The following CMIP variants were observed in gnomAD, a reference collection of about 807,000 sequenced individuals.
CMIP encodes c-Maf inducing protein.
A neutral mutation model predicts 97.3 loss-of-function variants in CMIP; 13 were observed. The ratio of observed to expected loss-of-function variants is 0.13; its 90% CI spans 0.09 to 0.21. The LOEUF is 0.21. Among genes scored for constraint, CMIP ranks in the 10% least tolerant of loss-of-function variants. The pLI, the probability that CMIP is intolerant of heterozygous loss-of-function variation, is 1.00. For synonymous variants in CMIP, 538 were observed against 436.3 expected (o/e 1.23, Z -2.91); for missense variants, 847 against 1,024.9 (o/e 0.83, Z 2.37).
At chr16:81,492,533 G>A (rs1016528197) in intron 1 of CMIP, among the ~76,000 whole-genome samples, 2 of 152,156 alleles carry the variant, frequency 1.3e-5, no homozygotes, top group African/African-American at 4.8e-5. Flanking sequence ...CAGTGGCATC[G>A]CGGTGGCCGG....
chr16:81,611,646 A>G (rs892245823), intron 2 of CMIP, among the ~76,000 whole-genome samples: 6 of 151,372 alleles, frequency 4.0e-5, no homozygotes, highest in African/African-American at 1.5e-4. Flanking sequence ...CTTCTCTTGC[A>G]GGTCCTTCCT....
rs562434205 is a variant in CMIP at position 81,652,349 on chromosome 16, G to C, written c.624G>C (p.Ser208=). The part of the protein sequence containing the change: ...SINQAPLEIV[S]KLLSENTNLT... ...ACCAGGCCCCACTGGAAATCGTCTCGAAACTGCTCTCAGAGGTAAAACCCC... is the reference window on the plus strand; with the variant it reads ...ACCAGGCCCCACTGGAAATCGTCTCCAAACTGCTCTCAGAGGTAAAACCCC... Residue 208 remains serine (S), a synonymous_variant, in exon 4 of 21, where the codon TCG becomes TCC. Coordinates refer to ENST00000537098, the MANE Select transcript of CMIP (RefSeq NM_198390.3). The surrounding 1 kb of genome is among the most constrained non-coding windows in gnomAD (Gnocchi z 5.2). The C allele has an allele frequency of 6.2e-7, 1 of 1,613,336 alleles. No homozygotes were observed. Among genetic ancestry groups the C allele is most frequent in the Non-Finnish European group, 8.5e-7 (1 of 1,179,738 alleles).
chr16:81,683,850 C>T (rs1417132893), intron 10 of CMIP, among the ~76,000 whole-genome samples: 1 of 149,158 alleles, frequency 6.7e-6, no homozygotes, highest in African/African-American at 2.5e-5. Flanking sequence ...CAACCTCTGC[C>T]TCGCGGGTTC....
chr16:81,595,998 G>A (rs2091549190), intron 1 of CMIP, among the ~76,000 whole-genome samples: 1 of 152,148 alleles, frequency 6.6e-6, no homozygotes, highest in Non-Finnish European at 1.5e-5. Context: ...CACTAGTGGT[G>A]TAAGCAGGTT....
At chr16:81,666,087 G>T (rs940202971) in intron 7 of CMIP, 1 of 152,244 alleles carries the variant, frequency 6.6e-6, no homozygotes, top group African/African-American at 2.4e-5. Context: ...ACTGGGGGAT[G>T]GGGCGGGGTT....
At chr16:81,637,129 G>A (rs1192620022) in intron 3 of CMIP, among the ~76,000 whole-genome samples, 4 of 152,096 alleles carry the variant, frequency 2.6e-5, no homozygotes, top group Non-Finnish European at 4.4e-5. Context: ...GGAGTGCAGT[G>A]GCACAATCTT....
intron 3 of CMIP, among the ~76,000 whole-genome samples, chr16:81,637,115 T>C (rs1328052359): frequency 6.6e-6 from 1 of 152,120 alleles, no homozygotes; most frequent in East Asian, 1.9e-4. Context: ...TTGTTGCCCA[T>C]GCTGGAGTGC....
chr16:81,447,672 G>A (rs1031455801), intron 1 of CMIP, among the ~76,000 whole-genome samples: 5 of 152,220 alleles, frequency 3.3e-5, no homozygotes, highest in African/African-American at 1.2e-4. Flanking sequence ...GGAACTATAA[G>A]GAAGTGTTTG....
At position 81,702,664 on chromosome 16, in the gene CMIP, T is replaced by G; in HGVS notation, c.1939T>G (p.Ser647Ala). 6 of 1,613,416 alleles carry G rather than the reference T, an allele frequency of 3.7e-6. No homozygotes were observed. The highest frequency in any genetic ancestry group is 5.1e-6 in the Non-Finnish European group (6 of 1,179,606). Reference sequence around the variant, plus strand: ...CACCAGGCTAACACTGCCCTCCAAGTCCACAGTGAGTTGGTTTGGTTCTCT... The same window carrying G: ...CACCAGGCTAACACTGCCCTCCAAGGCCACAGTGAGTTGGTTTGGTTCTCT... ...GPTRLTLPSK[S>A]TDADLARLLS... is the part of the protein sequence containing the mutation. The change falls in exon 17 of 21, where the codon TCC becomes GCC. Residue 647 changes from serine (S) to alanine (A), a missense_variant. By Grantham distance (99) the Ser-to-Ala change is moderately conservative (BLOSUM62 1). Coordinates refer to ENST00000537098, the MANE Select transcript of CMIP (RefSeq NM_198390.3).
chr16:81,599,850 A>C (rs897582054), intron 1 of CMIP, among the ~76,000 whole-genome samples: 1 of 152,118 alleles, frequency 6.6e-6, no homozygotes, highest in African/African-American at 2.4e-5. Flanking sequence ...GATTATATAT[A>C]AAGCTCTTAG....
At chr16:81,626,329 G>A (rs1300677033) in intron 3 of CMIP, among the ~76,000 whole-genome samples, 1 of 151,764 alleles carries the variant, frequency 6.6e-6, no homozygotes, top group Admixed American at 6.6e-5. Context: ...GAGGTGACTG[G>A]TGTGTCTGTG....
At chr16:81,587,868 G>A (rs571466604) in intron 1 of CMIP, among the ~76,000 whole-genome samples, 5 of 152,332 alleles carry the variant, frequency 3.3e-5, no homozygotes, top group Admixed American at 6.5e-5. Context: ...GGCCAGGTCC[G>A]TGTGTGGACA....
rs1023810285 is a variant in CMIP, at chr16:81,652,332, C to G, written c.607C>G (p.Pro203Ala). 51 of 1,613,740 alleles carry G rather than the reference C, an allele frequency of 3.2e-5. 1 individual carries two copies. The highest frequency in any genetic ancestry group is 4.3e-5 in the Non-Finnish European group (51 of 1,179,852). The change falls in exon 4 of 21, where the codon CCA becomes GCA. Residue 203 changes from proline (P) to alanine (A), a missense_variant. Transcript: ENST00000537098. This position sits in a 1 kb window ranked among gnomAD's most constrained non-coding sequence, Gnocchi z 5.2. The stretch of plus-strand genomic sequence containing the variant: ...GCAGGATGACTCCATCAACCAGGCC[C>G]CACTGGAAATCGTCTCGAAACTGCT... ...PLQDDSINQA[P>A]LEIVSKLLSE...
chr16:81,651,219 C>G (rs2092424688), intron 3 of CMIP: 1 of 152,574 alleles, frequency 6.6e-6, no homozygotes, highest in South Asian at 2.1e-4. Flanking sequence ...GTTAGAAAGT[C>G]TCTCAAGCAG....
Position 81,582,045 on chromosome 16 carries a change from C to T in CMIP, c.301-25522C>T, listed in dbSNP as rs966287304. ...AGCACATCACATGGCTTGAGCAGGA[C>T]GAAGAGAGCTGGCGGGGAGAGGTGC... On this transcript the variant is annotated intron_variant, in intron 1 of 20. Coordinates refer to ENST00000537098, the MANE Select transcript of CMIP (RefSeq NM_198390.3). 5.9e-5 allele frequency among the ~76,000 whole-genome samples: 9 copies of T among 152,080 alleles called. No individual in the cohort carries two copies. In the East Asian group the frequency reaches 7.7e-4, roughly 13 times the overall value.
At chr16:81,593,155 G>A (rs191687047) in intron 1 of CMIP, among the ~76,000 whole-genome samples, 3 of 152,302 alleles carry the variant, frequency 2.0e-5, no homozygotes, top group South Asian at 4.1e-4. Flanking sequence ...ATGAGCCCAC[G>A]TCCTGCCTCT....
chr16:81,525,525 A>AT lies in CMIP; in HGVS notation c.300+79992dup, dbSNP rs139196959. Reference sequence around the variant, plus strand: ...TTTACCATTTTAAATCTTAAAAAACATTTTTTTTAAGAGACAGAGTATGGC... The same window carrying AT: ...TTTACCATTTTAAATCTTAAAAAACATTTTTTTTTAAGAGACAGAGTATGGC... On this transcript the variant is annotated intron_variant, in intron 1 of 20. Transcript: ENST00000537098. Among the ~76,000 whole-genome samples, 206 of 152,018 alleles carry AT rather than the reference A, an allele frequency of 1.4e-3. 1 individual carries two copies. The highest frequency in any genetic ancestry group is 4.6e-3 in the African/African-American group (189 of 41,464).
At chr16:81,539,910 C>A (rs1181086221) in intron 1 of CMIP, among the ~76,000 whole-genome samples, 2 of 152,192 alleles carry the variant, frequency 1.3e-5, no homozygotes, top group East Asian at 3.9e-4. Context: ...TGCTTTATGT[C>A]TCTCTACGTG....
chr16:81,531,236 G>T (rs916799643), intron 1 of CMIP, among the ~76,000 whole-genome samples: 2 of 152,178 alleles, frequency 1.3e-5, no homozygotes, highest in African/African-American at 2.4e-5. Context: ...CCGTGTGACA[G>T]CAGAGACAGA....
Sources: allele counts gnomAD v4.1 joint callset (sites outside exome capture counted in the v4.1 genomes callset), GRCh38; gene constraint gnomAD v4.1.1; non-coding constraint Gnocchi (gnomAD v3.1); transcripts MANE v1.5; gene names NCBI Gene and HGNC (gene_info 2026-07-23, HGNC 2026-07-21).